PNPLA7: variants seen among roughly 807,000 people sequenced by gnomAD.
PNPLA7 encodes patatin-like phospholipase domain-containing protein 7.
In PNPLA7, 153 loss-of-function variants were observed where a neutral mutation model predicts 161.7. The ratio of observed to expected loss-of-function variants is 0.95; its 90% confidence interval spans 0.83 to 1.08. The LOEUF is 1.08. PNPLA7 is among the 50% of genes least tolerant of loss of function. PNPLA7 has a pLI of 0.00. For synonymous variants in PNPLA7, 809 were observed against 782.1 expected (o/e 1.03, Z -0.57); for missense variants, 1,739 against 1,856.6 (o/e 0.94, Z 1.16).
At position 137,460,689 on chromosome 9, in the gene PNPLA7, G is replaced by A; in HGVS notation, c.3890C>T (p.Pro1297Leu). 1 of 1,612,838 alleles carries A rather than the reference G, an allele frequency of 6.2e-7. No individual in the cohort carries two copies. The highest frequency in any genetic ancestry group is 8.5e-7 in the Non-Finnish European group (1 of 1,179,926). Residue 1297 changes from proline to leucine, a missense_variant, in exon 34 of 35, where the codon CCC (proline) becomes CTC (leucine). By Grantham distance (98) the Pro-to-Leu change is moderately conservative. Around this residue, in one of 6 missense-constraint regions of PNPLA7, gnomAD observed 703 missense variants for 694.6 expected, o/e 1.01. Coordinates refer to ENST00000406427, the MANE Select transcript of PNPLA7 (RefSeq NM_001098537.3). Reference sequence around the variant, plus strand: ...CTGGAAGTCTGCGTATGCATCCCTGGGGACGTCCAGCAGCTCCTCCTCGTA... The same window carrying A: ...CTGGAAGTCTGCGTATGCATCCCTGAGGACGTCCAGCAGCTCCTCCTCGTA... ...TEYEEELLDVPRDAYADFQST... is the reference protein window; with the variant it reads ...TEYEEELLDVLRDAYADFQST...
At chr9:137,544,728 C>T (rs1354814243) in intron 4 of PNPLA7, among the ~76,000 whole-genome samples, 1 of 152,194 alleles carries the variant, frequency 6.6e-6, no homozygotes, top group Non-Finnish European at 1.5e-5. Context: ...ACTACAACCT[C>T]CGCCTCCTGG....
In PNPLA7 at chr9:137,498,937, C is replaced by T. The variant is rs1032320196; in HGVS notation, c.1758-692G>A. ...AGGCAAAAGCAGGAGGAAGAGCAAACGTGGAATCAGGATCTGCTTTGCACA... is the reference window on the plus strand; with the variant it reads ...AGGCAAAAGCAGGAGGAAGAGCAAATGTGGAATCAGGATCTGCTTTGCACA... On this transcript the variant is annotated intron_variant, in intron 16 of 34. Transcript: ENST00000406427. 3.3e-5 allele frequency among the ~76,000 whole-genome samples: 5 copies of T among 152,100 alleles called. No individual in the cohort carries two copies. The South Asian group carries it at 6.2e-4, about 19-fold the overall frequency.
chr9:137,474,308 A>C (rs1472923092), intron 25 of PNPLA7, among the ~76,000 whole-genome samples: 3 of 152,118 alleles, frequency 2.0e-5, no homozygotes, highest in Non-Finnish European at 4.4e-5. Context: ...AAACCAACCA[A>C]CTGTGCATCG....
Position 137,522,948 on chromosome 9 carries a change from C to T in PNPLA7, c.748-91G>A, listed in dbSNP as rs11137423. 2,497 of 1,541,310 alleles carry T rather than the reference C, an allele frequency of 1.6e-3. 37 individuals carry two copies. In the African/African-American group the frequency reaches 0.029, roughly 18 times the overall value. On this transcript the variant is annotated intron_variant, in intron 8 of 34. Coordinates refer to ENST00000406427, the MANE Select transcript of PNPLA7 (RefSeq NM_001098537.3). ...CTCCTGGAAGCCCTGGAGGAGGCCC[C>T]GCCTGCTGCCCAGTCACACGGCTCC...
Position 137,525,531 on chromosome 9 carries a change from C to T in PNPLA7, c.748-2674G>A, listed in dbSNP as rs372710064. 1.2e-4 allele frequency among the ~76,000 whole-genome samples: 19 copies of T among 152,182 alleles called. No individual in the cohort carries two copies. In the East Asian group the frequency reaches 1.9e-3, roughly 15 times the overall value. Reference sequence around the variant, plus strand: ...AGGGGGCCCTTCCCTATTTGGTAGCCGAGGCGGAGAGAGAATGGGGACAGC... The same window carrying T: ...AGGGGGCCCTTCCCTATTTGGTAGCTGAGGCGGAGAGAGAATGGGGACAGC... On this transcript the variant is annotated intron_variant, in intron 8 of 34. Coordinates refer to ENST00000406427, the MANE Select transcript of PNPLA7 (RefSeq NM_001098537.3).
chr9:137,460,905 C>T, intron 33 of PNPLA7, 168 bp from the exon 34 acceptor site: 1 of 598,668 alleles, frequency 1.7e-6, no homozygotes, highest in Non-Finnish European at 3.0e-6. Context: ...CACACCACCC[C>T]TGGTTCTGTC....
Position 137,476,540 on chromosome 9 carries a change from G to A in PNPLA7, c.2882+1494C>T, listed in dbSNP as rs1363207204. Among the ~76,000 whole-genome samples the A allele has an allele frequency of 1.3e-5, 2 of 152,100 alleles. No individual in the cohort carries two copies. The highest frequency in any genetic ancestry group is 2.9e-5 in the Non-Finnish European group (2 of 68,012). On this transcript the variant is annotated intron_variant, in intron 25 of 34. Transcript: ENST00000406427. The surrounding 1 kb of genome is among the most constrained non-coding windows in gnomAD (Gnocchi z 4.5). ...AAAAACCAAAAACTTAGTAGAATAG[G>A]AATATGATTTAGAAATACAGACAAG...
chr9:137,512,923 A>T (rs1475102637), intron 12 of PNPLA7, among the ~76,000 whole-genome samples: 1 of 151,182 alleles, frequency 6.6e-6, no homozygotes, highest in Non-Finnish European at 1.5e-5. Context: ...TGATCTCACC[A>T]CTGCACTCTA....
At chr9:137,511,422 C>G (rs1044632303) in intron 12 of PNPLA7, among the ~76,000 whole-genome samples, 1 of 150,786 alleles carries the variant, frequency 6.6e-6, no homozygotes. Context: ...CTCAGCAGAC[C>G]TTGGCCTGGC....
chr9:137,535,668 G>A (rs192195369), intron 8 of PNPLA7, among the ~76,000 whole-genome samples: 1 of 150,912 alleles, frequency 6.6e-6, no homozygotes, highest in East Asian at 2.0e-4. Flanking sequence ...CAGGAGAATC[G>A]TTTGAACACG....
rs1831952803 is a variant in PNPLA7 at position 137,476,623 on chromosome 9, G to A, written c.2882+1411C>T. ...CTGGGATAACTCTGGAGGTGGTGCT[G>A]GAAGGAAGGCAAAGGACTGCAGTTA... On this transcript the variant is annotated intron_variant, in intron 25 of 34. Transcript: ENST00000406427. The surrounding 1 kb of genome is among the most constrained non-coding windows in gnomAD (Gnocchi z 4.5). Among the ~76,000 whole-genome samples the A allele has an allele frequency of 6.6e-6, 1 of 152,160 alleles. No homozygotes were observed. The highest frequency in any genetic ancestry group is 2.4e-5 in the African/African-American group (1 of 41,428).
chr9:137,547,770 A>T lies in PNPLA7; in HGVS notation c.31-111T>A. The T allele has an allele frequency of 9.5e-7, 1 of 1,050,546 alleles. No homozygotes were observed. The highest frequency in any genetic ancestry group is 1.5e-6 in the Non-Finnish European group (1 of 679,052). The allele number at this position is 1,050,546 out of a possible 1,614,324, so 65.1% of individuals were successfully genotyped here. On this transcript the variant is annotated intron_variant, in intron 1 of 34. Coordinates refer to ENST00000406427, the MANE Select transcript of PNPLA7 (RefSeq NM_001098537.3). This position sits in a 1 kb window ranked among gnomAD's most constrained non-coding sequence, Gnocchi z 4.6. Reference sequence around the variant, plus strand: ...TTAGGGGAGAAGTCAGCAGCCCTGGAGACTTCTGGGAAGAAGTGATCTCGC... The same window carrying T: ...TTAGGGGAGAAGTCAGCAGCCCTGGTGACTTCTGGGAAGAAGTGATCTCGC...
intron 8 of PNPLA7, among the ~76,000 whole-genome samples, chr9:137,525,468 C>T (rs1005550076): frequency 8.5e-5 from 13 of 152,162 alleles, no homozygotes; most frequent in Non-Finnish European, 1.0e-4. Context: ...TCGTCTCCAG[C>T]GATACGTAAG....
chr9:137,539,108 C>T (rs577819787), intron 8 of PNPLA7, among the ~76,000 whole-genome samples: 1 of 151,808 alleles, frequency 6.6e-6, no homozygotes, highest in Non-Finnish European at 1.5e-5. Flanking sequence ...AATTCCAGCA[C>T]TTTGGGAGGC....
chr9:137,545,561 TAATAA>T (rs1025216606), intron 4 of PNPLA7, among the ~76,000 whole-genome samples: 6 of 152,228 alleles, frequency 3.9e-5, no homozygotes, highest in Non-Finnish European at 7.3e-5. Flanking sequence ...TGTTCCAGTA[TAATAA>T]AATATATAAA....
intron 25 of PNPLA7, among the ~76,000 whole-genome samples, chr9:137,472,039 C>T (rs1377022673): frequency 6.6e-6 from 1 of 151,804 alleles, no homozygotes; most frequent in Non-Finnish European, 1.5e-5. Context: ...CCAGTGGAAC[C>T]CAGCAAGGTC....
chr9:137,477,905 C>G (rs1011349119), intron 25 of PNPLA7, 129 bp downstream of exon 25: 7 of 733,976 alleles, frequency 9.5e-6, no homozygotes, highest in Non-Finnish European at 1.3e-5. Flanking sequence ...TGGGTCTGGA[C>G]AGGCGGCCTG....
Position 137,495,030 on chromosome 9 carries a change from C to T in PNPLA7, c.2127+3G>A. ...TCCGCATCCTCACCCACGCCATGCT[C>T]ACCTGTGGGTACCTGCGCTTGATGG... On this transcript the variant is annotated splice_donor_region_variant and intron_variant, in intron 19 of 34. Coordinates refer to ENST00000406427, the MANE Select transcript of PNPLA7 (RefSeq NM_001098537.3). 1.2e-6 allele frequency: 2 copies of T among 1,606,580 alleles called. No homozygotes were observed. Among genetic ancestry groups the T allele is most frequent in the Middle Eastern group, 1.7e-4 (1 of 6,034 alleles).
rs780582226 is a variant in PNPLA7, at chr9:137,464,160, G to T, written c.3192C>A (p.Asp1064Glu). The T allele has an allele frequency of 6.2e-7, 1 of 1,613,734 alleles. No homozygotes were observed. Among genetic ancestry groups the T allele is most frequent in the Non-Finnish European group, 8.5e-7 (1 of 1,179,994 alleles). The change falls in exon 28 of 35, where the codon GAC becomes GAA. Residue 1064 changes from aspartate (D) to glutamate (E), a missense_variant. Asp to Glu is a conservative substitution (Grantham distance 45). This residue lies in a region of PNPLA7 where 703 missense variants were observed against 694.6 expected (regional missense o/e 1.01). Transcript: ENST00000406427. The part of the protein sequence containing the change: ...LWIPYFAITT[D>E]ITASAMRVHT... ...GGACCCGCATGGCCGAGGCTGTGAT[G>T]TCGGTGGTGATGGCGAAATAAGGAA...
Sources: gnomAD v4.1 joint callset for allele counts (sites outside exome capture counted in the v4.1 genomes callset) on GRCh38, gnomAD v4.1.1 for gene constraint, gnomAD v4.1.1 regional missense constraint, Gnocchi (gnomAD v3.1) non-coding constraint, MANE v1.5 for transcripts, NCBI Gene and HGNC (gene_info 2026-07-23, HGNC 2026-07-21) for gene names.